TTN: variants seen among roughly 807,000 people sequenced by gnomAD.
The protein encoded by TTN is titin, also known as connectin.
In TTN, 1,525 loss-of-function variants were observed where a neutral mutation model predicts 3,223.0. The observed-to-expected ratio is 0.47, with a 90% CI of 0.45 to 0.49. The LOEUF is 0.49. TTN is among the 20% of genes least tolerant of loss of function. TTN has a pLI of 0.00. For missense variants in TTN, 40,786 were observed against 43,424.0 expected, an observed-to-expected ratio of 0.94 and a Z score of 5.40; for synonymous variants, 14,094 against 15,161.0, an observed-to-expected ratio of 0.93 and a Z score of 5.17.
At chr2:178,713,447 G>C in intron 92 of TTN, 75 bp from the exon 93 acceptor site, 1 of 1,437,382 alleles carries the variant, frequency 7.0e-7, no homozygotes, top group Non-Finnish European at 9.1e-7. Context: ...ATGACTTGAA[G>C]AGAGAACTGT....
rs146338537 is a variant in TTN at position 178,552,688 on chromosome 2, C to T, written c.90212G>A (p.Gly30071Asp). 1.2e-6 allele frequency: 2 copies of T among 1,613,932 alleles called. No individual in the cohort carries two copies. The highest frequency in any genetic ancestry group is 1.7e-6 in the Non-Finnish European group (2 of 1,179,844). Residue 30071 changes from glycine to aspartate, a missense_variant, in exon 335 of 363, where the codon GGT (glycine) becomes GAT (aspartate). Transcript: ENST00000589042. ...GTGGGACCACGTCTGTTCACCTTTA[C>T]CTTTCCTTTCTACAACATATTCTGT... ...VITEYVVERK[G>D]KGEQTWSHAG...
At position 178,652,908 on chromosome 2, in the gene TTN, C is replaced by A. The variant is rs754878218; in HGVS notation, c.38899G>T (p.Val12967Phe). The A allele has an allele frequency of 1.9e-6, 3 of 1,609,198 alleles. No homozygotes were observed. The highest frequency in any genetic ancestry group is 2.7e-5 in the African/African-American group (2 of 74,382). ...GCCAAGGGCATTTTCTTTTCAGGAA[C>A]AACCTCTATGGGAGCCTCTGGCACT... ...VKVPEAPIEV[V>F]PEKKMPLAPP... Residue 12967 changes from valine (V) to phenylalanine (F), a missense_variant, in exon 200 of 363, where the codon GTT becomes TTT. By Grantham distance (50) the Val-to-Phe change is conservative. Transcript: ENST00000589042.
chr2:178,616,385 T>C, intron 257 of TTN, 94 bp downstream of exon 257: 1 of 1,526,766 alleles, frequency 6.5e-7, no homozygotes, highest in East Asian at 2.3e-5. Context: ...AGGTAAGAAG[T>C]TGTAGCACAT....
chr2:178,589,126 G>T lies in TTN; in HGVS notation c.62599C>A (p.Pro20867Thr), dbSNP rs374611035. 9 of 1,612,548 alleles carry T rather than the reference G, an allele frequency of 5.6e-6. No homozygotes were observed. The African/African-American group carries it at 1.2e-4, about 21-fold the overall frequency. The change falls in exon 304 of 363, where the codon CCT becomes ACT. Residue 20867 changes from proline (P) to threonine (T), a missense_variant. Coordinates refer to ENST00000589042, the MANE Select transcript of TTN (RefSeq NM_001267550.2). ...ATVNVLDKPG[P>T]VRNLKIVDVS... ...TCAACAATTTTCAGATTTCTCACAG[G>T]ACCAGGCTTATCTAAAACATTGACA...
At position 178,704,243 on chromosome 2, in the gene TTN, G is replaced by A. The variant is rs989692401; in HGVS notation, c.30127C>T (p.His10043Tyr). Residue 10043 changes from histidine (H) to tyrosine (Y), a missense_variant, in exon 106 of 363, where the codon CAT (histidine) becomes TAT (tyrosine). Physicochemically the swap from His to Tyr is moderately conservative, Grantham distance 83. Coordinates refer to ENST00000589042, the MANE Select transcript of TTN (RefSeq NM_001267550.2). ...CGAACATCTGCAATGGTCAATTTAT[G>A]GACTTTGTGTTCCACTTCTGTTTTA... The part of the protein sequence containing the change: ...RHKTEVEHKV[H>Y]KLTIADVRAE... The A allele has an allele frequency of 6.2e-7, 1 of 1,613,982 alleles. No individual in the cohort carries two copies. The highest frequency in any genetic ancestry group is 1.7e-5 in the Admixed American group (1 of 60,026).
chr2:178,595,885 G>A (rs1014440700), intron 294 of TTN, 76 bp from the exon 295 acceptor site: 30 of 1,417,332 alleles, frequency 2.1e-5, no homozygotes, highest in Non-Finnish European at 2.9e-5. Context: ...TTTTTTAAAA[G>A]GAGACAAAAA....
At position 178,598,537 on chromosome 2, in the gene TTN, T is replaced by C. The variant is rs1275283475; in HGVS notation, c.57080A>G (p.Tyr19027Cys). The part of the protein sequence containing the change: ...GSKVTGYIVE[Y>C]KEEGKEEWEK... Reference sequence around the variant, plus strand: ...CCATTCTTCTTTTCCTTCTTCTTTATATTCAACGATGTATCCAGTTACTTT... The same window carrying C: ...CCATTCTTCTTTTCCTTCTTCTTTACATTCAACGATGTATCCAGTTACTTT... The change falls in exon 292 of 363, where the codon TAT becomes TGT. Residue 19027 changes from tyrosine (Y) to cysteine (C), a missense_variant. Tyr to Cys is a radical substitution (Grantham distance 194). Transcript: ENST00000589042. The C allele has an allele frequency of 6.2e-7, 1 of 1,609,018 alleles. No individual in the cohort carries two copies. The highest frequency in any genetic ancestry group is 1.1e-5 in the South Asian group (1 of 89,496).
Position 178,718,189 on chromosome 2 carries a change from C to T in TTN, c.24817G>A (p.Val8273Met). ...PPYFIEPLEH[V>M]EAVIGEPATL... ...GCAGGTTCTCCAATGACTGCTTCCA[C>T]ATGTTCCAGAGGTTCAATAAAGTAC... The change falls in exon 86 of 363, where the codon GTG (valine) becomes ATG (methionine). Residue 8273 changes from valine (V) to methionine (M), a missense_variant. Transcript: ENST00000589042. 6.2e-7 allele frequency: 1 copy of T among 1,604,180 alleles called. No homozygotes were observed. The highest frequency in any genetic ancestry group is 1.7e-5 in the Admixed American group (1 of 59,854).
rs1281052983 is a variant in TTN at position 178,672,197 on chromosome 2, T to A, written c.35001A>T (p.Glu11667Asp). Reference protein sequence around the residue: ...RQEVVVKERLELEVVEAEVEE... With the variant: ...RQEVVVKERLDLEVVEAEVEE... Reference sequence around the variant, plus strand: ...CCACTTCTGCTTCTACTACTTCTAATTCTAGTCTTTCTTTTACTACTACTT... The same window carrying A: ...CCACTTCTGCTTCTACTACTTCTAAATCTAGTCTTTCTTTTACTACTACTT... Residue 11667 changes from glutamate (E) to aspartate (D), a missense_variant, in exon 155 of 363, where the codon GAA becomes GAT. Coordinates refer to ENST00000589042, the MANE Select transcript of TTN (RefSeq NM_001267550.2). 1 of 1,568,252 alleles carries A rather than the reference T, an allele frequency of 6.4e-7. No homozygotes were observed. The highest frequency in any genetic ancestry group is 1.4e-5 in the African/African-American group (1 of 73,596).
intron 158 of TTN, 69 bp from the exon 159 acceptor site, chr2:178,669,516 G>A (rs1194835187): frequency 4.8e-5 from 76 of 1,589,668 alleles, no homozygotes; most frequent in Non-Finnish European, 6.4e-5. Context: ...AGGATTTAAT[G>A]TCACACACAT....
At position 178,552,385 on chromosome 2, in the gene TTN, A is replaced by C; in HGVS notation, c.90515T>G (p.Leu30172Arg). The C allele has an allele frequency of 6.3e-7, 1 of 1,591,094 alleles. No homozygotes were observed. Reference sequence around the variant, plus strand: ...GAAGCGAACAAATTCACTTTCTTTCAGTGGCAAGCCATCTTTCAGCCAACT... The same window carrying C: ...GAAGCGAACAAATTCACTTTCTTTCCGTGGCAAGCCATCTTTCAGCCAACT... ...SISWLKDGLPLKESEFVRFSK... is the reference protein window; with the variant it reads ...SISWLKDGLPRKESEFVRFSK... The change falls in exon 335 of 363, where the codon CTG becomes CGG. Residue 30172 changes from leucine to arginine, a missense_variant. Coordinates refer to ENST00000589042, the MANE Select transcript of TTN (RefSeq NM_001267550.2).
rs2058164807 is a variant in TTN at position 178,620,911 on chromosome 2, A to G, written c.45699T>C (p.Thr15233=). ...TGAACCATTTGGCTTTGGCACCTTC[A>G]GTATTGACTTCACAGTTGAAGACAA... The part of the protein sequence containing the change: ...QEVVFNCEVN[T]EGAKAKWFRN... The change falls in exon 247 of 363, where the codon ACT becomes ACC. Residue 15233 remains threonine (T), a synonymous_variant. Coordinates refer to ENST00000589042, the MANE Select transcript of TTN (RefSeq NM_001267550.2). 1 of 1,612,386 alleles carries G rather than the reference A, an allele frequency of 6.2e-7. No homozygotes were observed. The highest frequency in any genetic ancestry group is 1.3e-5 in the African/African-American group (1 of 74,810).
At chr2:178,750,045 CTT>C in intron 47 of TTN, 1 of 1,613,198 alleles carries the variant, frequency 6.2e-7, no homozygotes, top group Non-Finnish European at 8.5e-7. Context: ...TCTTTAGACT[CTT>C]TATCCTGTTC....
chr2:178,745,035 G>A, intron 47 of TTN: 5 of 987,218 alleles, frequency 5.1e-6, no homozygotes, highest in Non-Finnish European at 6.0e-6. Context: ...ACAGATTATA[G>A]AGTTAGTTGC....
At position 178,561,026 on chromosome 2, in the gene TTN, A is replaced by G; in HGVS notation, c.85106T>C (p.Val28369Ala). 6.2e-7 allele frequency: 1 copy of G among 1,613,870 alleles called. No individual in the cohort carries two copies. The highest frequency in any genetic ancestry group is 8.5e-7 in the Non-Finnish European group (1 of 1,179,796). ...MDVKFRDVIV[V>A]KAGEVLKINA... The stretch of plus-strand genomic sequence containing the variant: ...TATCTTAAGGACCTCTCCAGCTTTG[A>G]CAACAATAACGTCTCGGAACTTGAC... Residue 28369 changes from valine (V) to alanine (A), a missense_variant, in exon 326 of 363, where the codon GTC becomes GCC. Physicochemically the swap from Val to Ala is moderately conservative, Grantham distance 64. Coordinates refer to ENST00000589042, the MANE Select transcript of TTN (RefSeq NM_001267550.2).
chr2:178,582,997 T>C lies in TTN; in HGVS notation c.65806A>G (p.Ile21936Val). The C allele has an allele frequency of 6.4e-7, 1 of 1,573,300 alleles. No individual in the cohort carries two copies. The highest frequency in any genetic ancestry group is 8.6e-7 in the Non-Finnish European group (1 of 1,157,468). Residue 21936 changes from isoleucine (I) to valine (V), a missense_variant, in exon 313 of 363, where the codon ATT becomes GTT. Transcript: ENST00000589042. ...GAACCACTTGAATTTTCAGCAGTAA[T>C]GGTATAGTCTCCTGAGTCCTTCCGG... ...VNRKDSGDYT[I>V]TAENSSGSKS...
chr2:178,632,294 G>A lies in TTN; in HGVS notation c.43600C>T (p.Gln14534Ter), dbSNP rs727504499. 1.9e-6 allele frequency: 3 copies of A among 1,609,232 alleles called. No homozygotes were observed. The highest frequency in any genetic ancestry group is 2.5e-6 in the Non-Finnish European group (3 of 1,177,792). ...NIRVKWFKND[Q>*]RLHTTRSVSM... is the part of the protein sequence containing the mutation. ...ACCGACCTGGTGGTGTGTAGGCGCT[G>A]GTCATTCTTGAACCATTTAACTCGG... The change falls in exon 236 of 363, where the codon CAG becomes TAG. Residue 14534 changes from glutamine (Q) to a stop codon, truncating the protein, a stop_gained. Transcript: ENST00000589042. LOFTEE classifies it high-confidence loss of function.
chr2:178,756,815 A>G lies in TTN; in HGVS notation c.10679-18T>C, dbSNP rs765478289. 6.9e-6 allele frequency: 11 copies of G among 1,600,736 alleles called. No homozygotes were observed. The East Asian group carries it at 2.5e-4, about 36-fold the overall frequency. ...GGCTTGCACTGTATAATCAAGTGAC[A>G]AGAAAAAGAAAAGAATATTAAGATC... On this transcript the variant is annotated intron_variant, in intron 45 of 362. Transcript: ENST00000589042.
rs1228795197 is a variant in TTN at position 178,583,776 on chromosome 2, A to C, written c.65406T>G (p.Asp21802Glu). 1 of 1,611,158 alleles carries C rather than the reference A, an allele frequency of 6.2e-7. No homozygotes were observed. Among genetic ancestry groups the C allele is most frequent in the South Asian group, 1.1e-5 (1 of 90,608 alleles). ...YFVEACKLPGDKWVRCNTAPH... is the reference protein window; with the variant it reads ...YFVEACKLPGEKWVRCNTAPH... ...GTGCAGTATTGCACCGTACCCATTT[A>C]TCACCAGGAAGTTTGCAAGCTTCTA... Residue 21802 changes from aspartate (D) to glutamate (E), a missense_variant, in exon 312 of 363, where the codon GAT becomes GAG. Transcript: ENST00000589042.
Sources: gnomAD v4.1 joint callset for allele counts on GRCh38, gnomAD v4.1.1 for gene constraint, MANE v1.5 for transcripts, NCBI Gene and HGNC (gene_info 2026-07-23, HGNC 2026-07-21) for gene names.